THSD4: variants seen among roughly 807,000 people sequenced by gnomAD.
The protein encoded by THSD4 is thrombospondin type 1 domain containing 4.
In THSD4, 69 loss-of-function variants were observed where a neutral mutation model predicts 119.0. That is an observed-to-expected ratio of 0.58 (90% CI 0.48 to 0.71). The LOEUF (loss-of-function observed/expected upper bound fraction) is 0.71, where lower values mean the gene tolerates loss of function less well. Among genes scored for constraint, THSD4 ranks in the 30% least tolerant of loss-of-function variants. THSD4 has a pLI of 0.00. For synonymous variants in THSD4, 524 were observed against 540.4 expected (o/e 0.97, Z 0.42); for missense variants, 1,393 against 1,391.1 (o/e 1.00, Z -0.02).
chr15:71,515,613 A>G lies in THSD4; in HGVS notation c.1152+103790A>G, dbSNP rs557834706. ...CAATAAATCTTCGGCTATTTAAAGC[A>G]TTCCTTTCAAGGGCTGGGCTTGTAA... On this transcript the variant is annotated intron_variant, in intron 7 of 17. Transcript: ENST00000261862. 3.9e-5 allele frequency among the ~76,000 whole-genome samples: 6 copies of G among 152,300 alleles called. No individual in the cohort carries two copies. The South Asian group carries it at 1.2e-3, about 32-fold the overall frequency.
intron 8 of THSD4, among the ~76,000 whole-genome samples, chr15:71,672,110 T>C (rs1358219397): frequency 6.6e-6 from 1 of 152,204 alleles, no homozygotes; most frequent in Non-Finnish European, 1.5e-5. Context: ...ATTCTTCCTA[T>C]CCATGAGCAT....
At chr15:71,530,512 A>G (rs2048591650) in intron 7 of THSD4, among the ~76,000 whole-genome samples, 1 of 152,178 alleles carries the variant, frequency 6.6e-6, no homozygotes, top group Admixed American at 6.5e-5. Context: ...CACACTACTT[A>G]TTTGGGGCTA....
chr15:71,599,920 A>C (rs2049975138), intron 7 of THSD4, among the ~76,000 whole-genome samples: 2 of 152,314 alleles, frequency 1.3e-5, no homozygotes, highest in South Asian at 2.1e-4. Context: ...AAATCTTCTC[A>C]CCAAGAGACA....
At chr15:71,510,039 G>C (rs1359691014) in intron 7 of THSD4, among the ~76,000 whole-genome samples, 2 of 152,186 alleles carry the variant, frequency 1.3e-5, no homozygotes, top group Non-Finnish European at 2.9e-5. Context: ...TTTCATGCTG[G>C]AACGAAGAGG....
intron 5 of THSD4, 113 bp downstream of exon 5, chr15:71,243,209 A>T: frequency 9.6e-7 from 1 of 1,039,346 alleles, no homozygotes; most frequent in Non-Finnish European, 1.4e-6. Flanking sequence ...CCATGTTAAC[A>T]CACCTTTTAA....
chr15:71,753,004 G>A (rs371801037), intron 14 of THSD4, among the ~76,000 whole-genome samples: 1 of 152,328 alleles, frequency 6.6e-6, no homozygotes, highest in East Asian at 1.9e-4. Context: ...ACGAGACACA[G>A]CTTCCGACTC....
intron 8 of THSD4, among the ~76,000 whole-genome samples, chr15:71,687,107 G>A (rs1360469972): frequency 6.6e-6 from 1 of 152,098 alleles, no homozygotes; most frequent in Non-Finnish European, 1.5e-5. Flanking sequence ...ACATTTAGTT[G>A]ATAAAAGTTT....
At chr15:71,727,531 TAAAAAAAAAAAA>T (rs368424121) in intron 8 of THSD4, among the ~76,000 whole-genome samples, 265 of 15,710 alleles carry the variant, frequency 0.017, 6 homozygotes, top group Admixed American at 0.11. Flanking sequence ...CCCCATCTCT[TAAAAAAAAAAAA>T]AAAAAAAAAA....
chr15:71,146,257 G>A (rs995272448), intron 2 of THSD4, among the ~76,000 whole-genome samples: 4 of 152,132 alleles, frequency 2.6e-5, no homozygotes, highest in East Asian at 1.9e-4. Context: ...TCATGAACCC[G>A]ATTGTCTTTC....
intron 7 of THSD4, among the ~76,000 whole-genome samples, chr15:71,530,776 G>A (rs150059131): frequency 2.3e-4 from 35 of 150,996 alleles, no homozygotes; most frequent in African/African-American, 8.2e-4. Context: ...GAAAACATGG[G>A]TTGATACCTA....
chr15:71,353,389 A>G (rs1160593333), intron 6 of THSD4, among the ~76,000 whole-genome samples: 11 of 152,350 alleles, frequency 7.2e-5, no homozygotes, highest in Admixed American at 6.5e-5. Context: ...AAAAGAAACC[A>G]TCATGTGATT....
At position 71,466,075 on chromosome 15, in the gene THSD4, C is replaced by T. The variant is rs551570725; in HGVS notation, c.1152+54252C>T. Among the ~76,000 whole-genome samples the T allele has an allele frequency of 9.0e-4, 137 of 152,162 alleles. 1 individual carries two copies. Among genetic ancestry groups the T allele is most frequent in the Non-Finnish European group, 1.7e-3 (118 of 68,004 alleles). ...AATAGAAAGAGAAATAGAGGCCGGG[C>T]GCAGTGGCTCACACCTGTAATCCCA... On this transcript the variant is annotated intron_variant, in intron 7 of 17. Coordinates refer to ENST00000261862, the MANE Select transcript of THSD4 (RefSeq NM_024817.3).
rs4577029 is a variant in THSD4, at chr15:71,485,537, C to T, written c.1152+73714C>T. Among the ~76,000 whole-genome samples, 1,465 of 152,224 alleles carry T rather than the reference C, an allele frequency of 9.6e-3. 15 individuals are homozygous for T. The highest frequency in any genetic ancestry group is 0.034 in the Middle Eastern group (10 of 294). On this transcript the variant is annotated intron_variant, in intron 7 of 17. Coordinates refer to ENST00000261862, the MANE Select transcript of THSD4 (RefSeq NM_024817.3). Reference sequence around the variant, plus strand: ...ATCATTAAGAGAAAACTGAGCTAACCATTGCCTCCAGAGCATTTGATGTTA... The same window carrying T: ...ATCATTAAGAGAAAACTGAGCTAACTATTGCCTCCAGAGCATTTGATGTTA...
chr15:71,172,818 C>T (rs2043394182), intron 3 of THSD4, among the ~76,000 whole-genome samples: 1 of 147,310 alleles, frequency 6.8e-6, no homozygotes, highest in African/African-American at 2.5e-5. Context: ...TGTGCAAAAA[C>T]ATGAACTTCA....
intron 8 of THSD4, among the ~76,000 whole-genome samples, chr15:71,663,022 G>A (rs997705090): frequency 1.3e-5 from 2 of 152,170 alleles, no homozygotes; most frequent in Non-Finnish European, 2.9e-5. Context: ...GCCAAGGCAG[G>A]AGGACTGCTT....
chr15:71,763,554 A>ATTTTTTTT (rs10647138), intron 15 of THSD4, among the ~76,000 whole-genome samples: 14,363 of 144,794 alleles, frequency 0.099, 1,348 homozygotes, highest in African/African-American at 0.23. Context: ...CTAAAAACAA[A>ATTTTTTTT]TTTTTTTTTT....
intron 4 of THSD4, among the ~76,000 whole-genome samples, chr15:71,240,814 C>T (rs1314832843): frequency 7.0e-6 from 1 of 141,878 alleles, no homozygotes; most frequent in Non-Finnish European, 1.6e-5. Context: ...CACACACACA[C>T]ACACACACAC....
intron 6 of THSD4, among the ~76,000 whole-genome samples, chr15:71,393,665 A>T (rs746751835): frequency 3.3e-5 from 5 of 152,112 alleles, no homozygotes; most frequent in Non-Finnish European, 7.4e-5. Flanking sequence ...CCCCCTCTGT[A>T]CAGAGGCATG....
upstream of THSD4, chr15:71,112,350 G>A (rs1397570723): frequency 9.8e-7 from 1 of 1,020,440 alleles, no homozygotes; most frequent in African/African-American, 1.6e-5. Flanking sequence ...AATTATAATA[G>A]GACAACAGGT....
Sources: allele counts gnomAD v4.1 joint callset (sites outside exome capture counted in the v4.1 genomes callset), GRCh38; gene constraint gnomAD v4.1.1; transcripts MANE v1.5; gene names NCBI Gene and HGNC (gene_info 2026-07-23, HGNC 2026-07-21).